Variants in C1QL1 observed in about 807,000 individuals in gnomAD.
The protein encoded by C1QL1 is complement C1q like 1.
In C1QL1, 15 loss-of-function variants were observed where a neutral mutation model predicts 14.2. That is an observed-to-expected ratio of 1.06 (90% CI 0.71 to 1.62). The LOEUF (loss-of-function observed/expected upper bound fraction) is 1.62, where lower values mean the gene tolerates loss of function less well. Among genes scored for constraint, C1QL1 ranks in the 40% most tolerant of loss-of-function variants. The pLI is 0.00. For synonymous variants in C1QL1, 172 were observed against 172.4 expected (o/e 1.00, Z 0.02); for missense variants, 346 against 380.3 (o/e 0.91, Z 0.75).
At position 44,968,110 on chromosome 17, in the gene C1QL1, G is replaced by A. The variant is rs548601791; in HGVS notation, c.-62C>T. The A allele has an allele frequency of 3.6e-6, 4 of 1,098,002 alleles. No homozygotes were observed. Among genetic ancestry groups the A allele is most frequent in the Admixed American group, 4.5e-5 (1 of 22,430 alleles). The allele number at this position is 1,098,002 out of a possible 1,614,324, so 68.0% of individuals were successfully genotyped here. The stretch of plus-strand genomic sequence containing the variant: ...GCCCGCGCGGAGCCTGGGGAGCGCC[G>A]GGCCGCCCGGCCGCGCCGTCGGGGC... On this transcript the variant is annotated 5_prime_UTR_variant, in exon 1 of 2. Coordinates refer to ENST00000253407, the MANE Select transcript of C1QL1 (RefSeq NM_006688.5).
At position 44,967,998 on chromosome 17, in the gene C1QL1, G is replaced by T; in HGVS notation, c.51C>A (p.Gly17=). The change falls in exon 1 of 2, where the codon GGC becomes GGA. Residue 17 remains glycine, a synonymous_variant. Coordinates refer to ENST00000253407, the MANE Select transcript of C1QL1 (RefSeq NM_006688.5). The surrounding 1 kb of genome is among the most constrained non-coding windows in gnomAD (Gnocchi z 7.0). ...CCAGCATCTCATAGTGGCCTTCCGG[G>T]CCGCCCGAGCTCACCAGCACGGGGA... ...VLIPVLVSSG[G]PEGHYEMLGT... The T allele has an allele frequency of 7.2e-7, 1 of 1,386,672 alleles. No individual in the cohort carries two copies. 85.9% of individuals were successfully genotyped at this position (1,386,672 alleles called of 1,614,324 possible).
chr17:44,967,192 T>C lies in C1QL1; in HGVS notation c.597+260A>G, dbSNP rs1438873144. On this transcript the variant is annotated intron_variant, in intron 1 of 1. Coordinates refer to ENST00000253407, the MANE Select transcript of C1QL1 (RefSeq NM_006688.5). The surrounding 1 kb of genome is among the most constrained non-coding windows in gnomAD (Gnocchi z 7.0). ...GAGCCCTGCGCTCTGACTAGTTGGG[T>C]TCATTTCCCGCATTTCCAGTAGCGT... is the stretch of plus-strand genomic sequence containing the variant. 1.3e-5 allele frequency among the ~76,000 whole-genome samples: 2 copies of C among 152,330 alleles called. No homozygotes were observed. The highest frequency in any genetic ancestry group is 3.9e-4 in the East Asian group (2 of 5,164).
chr17:44,960,751 C>G (rs1052565578), intron 1 of C1QL1, among the ~76,000 whole-genome samples: 3 of 152,240 alleles, frequency 2.0e-5, no homozygotes, highest in African/African-American at 7.2e-5. Context: ...CTTCCCTACT[C>G]TCATCATTCC....
At chr17:44,962,353 T>A (rs1407016385) in intron 1 of C1QL1, among the ~76,000 whole-genome samples, 1 of 152,222 alleles carries the variant, frequency 6.6e-6, no homozygotes, top group African/African-American at 2.4e-5. Context: ...AAAGCCCTTC[T>A]CCAGCCCCTT....
chr17:44,961,880 G>A (rs1302444839), intron 1 of C1QL1, among the ~76,000 whole-genome samples: 7 of 140,904 alleles, frequency 5.0e-5, no homozygotes, highest in Admixed American at 1.4e-4. Context: ...GCGACAGAGC[G>A]AGACTCCGTC....
chr17:44,960,153 G>T lies in C1QL1; in HGVS notation c.*35C>A. The T allele has an allele frequency of 5.0e-6, 8 of 1,602,114 alleles. No homozygotes were observed. The highest frequency in any genetic ancestry group is 6.8e-6 in the Non-Finnish European group (8 of 1,170,186). On this transcript the variant is annotated 3_prime_UTR_variant, in exon 2 of 2. Coordinates refer to ENST00000253407, the MANE Select transcript of C1QL1 (RefSeq NM_006688.5). Reference sequence around the variant, plus strand: ...GCCCCGCCCGGAGGGGACCCCGGCGGGTGAGGGACGTGGGTGGAGGGAGAC... The same window carrying T: ...GCCCCGCCCGGAGGGGACCCCGGCGTGTGAGGGACGTGGGTGGAGGGAGAC...
intron 1 of C1QL1, among the ~76,000 whole-genome samples, chr17:44,963,513 C>A (rs1480475296): frequency 6.6e-6 from 1 of 152,112 alleles, no homozygotes. Context: ...ACTTCCACTT[C>A]CCAGGTTCAA....
rs1308132160 is a variant in C1QL1 at position 44,962,575 on chromosome 17, A to C, written c.598-2208T>G. ...GTCTTTTGATGATAAAGAAAAAAAA[A>C]CATTAGATCTTGATGGGGCTTTGAG... On this transcript the variant is annotated intron_variant, in intron 1 of 1. Coordinates refer to ENST00000253407, the MANE Select transcript of C1QL1 (RefSeq NM_006688.5). Among the ~76,000 whole-genome samples the C allele has an allele frequency of 2.6e-5, 4 of 152,338 alleles. No individual in the cohort carries two copies. In the East Asian group the frequency reaches 5.8e-4, roughly 22 times the overall value.
rs1452191546 is a variant in C1QL1, at chr17:44,960,331, T to C, written c.634A>G (p.Asn212Asp). The C allele has an allele frequency of 3.1e-6, 5 of 1,613,768 alleles. No homozygotes were observed. In the Admixed American group the frequency reaches 6.7e-5, roughly 22 times the overall value. Residue 212 changes from asparagine (N) to aspartate (D), a missense_variant, in exon 2 of 2, where the codon AAC (asparagine) becomes GAC (aspartate). Transcript: ENST00000253407. Reference protein sequence around the residue: ...ASAIAQDADQNYDYASNSVIL... With the variant: ...ASAIAQDADQDYDYASNSVIL... ...ACGCTGTTGCTGGCGTAGTCGTAGTTCTGGTCCGCGTCCTGGGCAATAGCA... is the reference window on the plus strand; with the variant it reads ...ACGCTGTTGCTGGCGTAGTCGTAGTCCTGGTCCGCGTCCTGGGCAATAGCA...
At chr17:44,962,313 C>A (rs1487785656) in intron 1 of C1QL1, among the ~76,000 whole-genome samples, 1 of 152,212 alleles carries the variant, frequency 6.6e-6, no homozygotes, top group Non-Finnish European at 1.5e-5. Flanking sequence ...ATGAAGAGGA[C>A]CCGACATATT....
At position 44,967,635 on chromosome 17, in the gene C1QL1, G is replaced by T. The variant is rs781665714; in HGVS notation, c.414C>A (p.Asn138Lys). ...PRVAFYAGLK[N>K]PHEGYEVLKF... ...TGAGTACCTCGTAACCCTCGTGGGGGTTCTTGAGGCCGGCGTAGAAGGCCA... is the reference window on the plus strand; with the variant it reads ...TGAGTACCTCGTAACCCTCGTGGGGTTTCTTGAGGCCGGCGTAGAAGGCCA... Residue 138 changes from asparagine (N) to lysine (K), a missense_variant, in exon 1 of 2, where the codon AAC (asparagine) becomes AAA (lysine). Coordinates refer to ENST00000253407, the MANE Select transcript of C1QL1 (RefSeq NM_006688.5). The surrounding 1 kb of genome is among the most constrained non-coding windows in gnomAD (Gnocchi z 7.0). 2.5e-6 allele frequency: 4 copies of T among 1,613,946 alleles called. No individual in the cohort carries two copies. The highest frequency in any genetic ancestry group is 3.4e-6 in the Non-Finnish European group (4 of 1,179,914).
chr17:44,965,479 G>A (rs957177733), intron 1 of C1QL1, among the ~76,000 whole-genome samples: 1 of 152,148 alleles, frequency 6.6e-6, no homozygotes, highest in African/African-American at 2.4e-5. Context: ...GGGCTGGTCT[G>A]AATAACTATT....
At chr17:44,960,804 C>T (rs370478066) in intron 1 of C1QL1, among the ~76,000 whole-genome samples, 13 of 152,310 alleles carry the variant, frequency 8.5e-5, no homozygotes, top group African/African-American at 2.4e-4. Flanking sequence ...TCAGCCACAC[C>T]CGCTGGATCT....
intron 1 of C1QL1, among the ~76,000 whole-genome samples, chr17:44,965,252 T>C (rs1002614243): frequency 3.9e-5 from 6 of 152,190 alleles, no homozygotes; most frequent in Non-Finnish European, 8.8e-5. Context: ...GACCTCATGA[T>C]CCACTTGCCT....
chr17:44,967,875 C>T lies in C1QL1; in HGVS notation c.174G>A (p.Ala58=). Residue 58 remains alanine, a synonymous_variant, in exon 1 of 2, where the codon GCG becomes GCA. Coordinates refer to ENST00000253407, the MANE Select transcript of C1QL1 (RefSeq NM_006688.5). The surrounding 1 kb of genome is among the most constrained non-coding windows in gnomAD (Gnocchi z 7.0). ...GGDALSEQSG[A]PPPSTLVQGP... ...CCTGCACCAGCGTGGAAGGCGGGGG[C>T]GCGCCGCTCTGCTCGCTCAGGGCGT... The T allele has an allele frequency of 7.7e-7, 1 of 1,298,610 alleles. No homozygotes were observed. Among genetic ancestry groups the T allele is most frequent in the Non-Finnish European group, 9.7e-7 (1 of 1,033,016 alleles). The allele number at this position is 1,298,610 out of a possible 1,614,324, so 80.4% of individuals were successfully genotyped here. A position where few individuals can be genotyped will look rare whatever the true frequency, so the allele number is the denominator to read the frequency against.
chr17:44,964,135 A>C (rs2052643341), intron 1 of C1QL1, among the ~76,000 whole-genome samples: 1 of 152,194 alleles, frequency 6.6e-6, no homozygotes, highest in South Asian at 2.1e-4. Context: ...AGTGCCAGGC[A>C]TGAAGGTGGT....
rs1256143972 is a variant in C1QL1, at chr17:44,967,750, C to T, written c.299G>A (p.Gly100Asp). The change falls in exon 1 of 2, where the codon GGT becomes GAT. Residue 100 changes from glycine to aspartate, a missense_variant. Gly to Asp is a moderately conservative substitution (Grantham distance 94, BLOSUM62 -1). Transcript: ENST00000253407. This position sits in a 1 kb window ranked among gnomAD's most constrained non-coding sequence, Gnocchi z 7.0. Reference protein sequence around the residue: ...PGPVGPPGEKGEPGKPGPPGL... With the variant: ...PGPVGPPGEKDEPGKPGPPGL... ...CGGAGGGCCCGGCTTGCCTGGCTCA[C>T]CCTTCTCCCCCGGCGGCCCCACAGG... The T allele has an allele frequency of 6.3e-6, 10 of 1,582,380 alleles. No individual in the cohort carries two copies. The highest frequency in any genetic ancestry group is 8.6e-6 in the Non-Finnish European group (10 of 1,167,774).
Position 44,959,966 on chromosome 17 carries a change from C to A in C1QL1, c.*222G>T. ...CGCGGGCTGGGCGGGGGCGGTCAACCCCGGTTCCCTGGCACGGGGACAGGG... is the reference window on the plus strand; with the variant it reads ...CGCGGGCTGGGCGGGGGCGGTCAACACCGGTTCCCTGGCACGGGGACAGGG... On this transcript the variant is annotated 3_prime_UTR_variant, in exon 2 of 2. Coordinates refer to ENST00000253407, the MANE Select transcript of C1QL1 (RefSeq NM_006688.5). 1 of 558,860 alleles carries A rather than the reference C, an allele frequency of 1.8e-6. No individual in the cohort carries two copies. The highest frequency in any genetic ancestry group is 2.1e-5 in the South Asian group (1 of 46,678). 34.6% of individuals were successfully genotyped at this position (558,860 alleles called of 1,614,324 possible).
rs555247408 is a variant in C1QL1, at chr17:44,963,431, T to C, written c.598-3064A>G. The stretch of plus-strand genomic sequence containing the variant: ...GAGAGGCTGATCTCCTTAGGTCTTT[T>C]TTCTTTTTTGAGACAGAGTCTTGCT... On this transcript the variant is annotated intron_variant, in intron 1 of 1. Transcript: ENST00000253407. 2.0e-5 allele frequency among the ~76,000 whole-genome samples: 3 copies of C among 152,230 alleles called. No individual in the cohort carries two copies. In the South Asian group the frequency reaches 6.2e-4, roughly 32 times the overall value.
Sources: allele counts gnomAD v4.1 joint callset (sites outside exome capture counted in the v4.1 genomes callset), GRCh38; gene constraint gnomAD v4.1.1; non-coding constraint Gnocchi (gnomAD v3.1); transcripts MANE v1.5; gene names NCBI Gene and HGNC (gene_info 2026-07-23, HGNC 2026-07-21).